Variants in CNTNAP1 observed in about 807,000 individuals in gnomAD.
The protein encoded by CNTNAP1 is contactin associated protein 1, also known as contactin-associated protein 1.
Under a neutral mutation model 161.5 loss-of-function variants are expected in CNTNAP1, and 80 were observed. That is an observed-to-expected ratio of 0.50 (90% CI 0.41 to 0.60). The LOEUF (loss-of-function observed/expected upper bound fraction) is 0.60, where lower values mean the gene tolerates loss of function less well. CNTNAP1 is among the 20% of genes least tolerant of loss of function. The probability of loss-of-function intolerance (pLI) is 0.00; values close to 1 mark genes in which losing one functional copy is unlikely to be tolerated. For synonymous variants in CNTNAP1, 695 were observed against 733.1 expected, an observed-to-expected ratio of 0.95 and a Z score of 0.84; for missense variants, 1,464 against 1,854.8, an observed-to-expected ratio of 0.79 and a Z score of 3.87.
Position 42,685,162 on chromosome 17 carries a change from G to A in CNTNAP1, c.511+24G>A. 1.2e-6 allele frequency: 2 copies of A among 1,608,150 alleles called. No individual in the cohort carries two copies. Among genetic ancestry groups the A allele is most frequent in the South Asian group, 1.1e-5 (1 of 90,786 alleles). On this transcript the variant is annotated intron_variant, in intron 4 of 23. Coordinates refer to ENST00000264638, the MANE Select transcript of CNTNAP1 (RefSeq NM_003632.3). This position sits in a 1 kb window ranked among gnomAD's most constrained non-coding sequence, Gnocchi z 5.0. ...CAGTAAGTGTGCAGAGAGCGCGGAG[G>A]GGGCCTGGGAGACAGCCTCCCCAGT...
chr17:42,688,444 T>G lies in CNTNAP1; in HGVS notation c.1307-18T>G. ...TTGCTGCTTCCCTCCACCCACACCA[T>G]CATCCATTCTTGTCCAGGGTACCGA... On this transcript the variant is annotated intron_variant, in intron 8 of 23. Coordinates refer to ENST00000264638, the MANE Select transcript of CNTNAP1 (RefSeq NM_003632.3). The G allele has an allele frequency of 6.2e-7, 1 of 1,614,170 alleles. No individual in the cohort carries two copies. Among genetic ancestry groups the G allele is most frequent in the Non-Finnish European group, 8.5e-7 (1 of 1,180,028 alleles).
At position 42,687,022 on chromosome 17, in the gene CNTNAP1, G is replaced by A; in HGVS notation, c.1020G>A (p.Arg340=). The A allele has an allele frequency of 6.2e-7, 1 of 1,613,552 alleles. No individual in the cohort carries two copies. The highest frequency in any genetic ancestry group is 2.2e-5 in the East Asian group (1 of 44,876). The change falls in exon 7 of 24, where the codon CGG becomes CGA. Residue 340 remains arginine, a synonymous_variant. Transcript: ENST00000264638. The surrounding 1 kb of genome is among the most constrained non-coding windows in gnomAD (Gnocchi z 4.7). Reference sequence around the variant, plus strand: ...TCAACATCGCAGACCTGGCCGTGCGGCGCCATTCCCGGATCACCTTCGAGG... The same window carrying A: ...TCAACATCGCAGACCTGGCCGTGCGACGCCATTCCCGGATCACCTTCGAGG... ...NRVNIADLAV[R]RHSRITFEGK...
chr17:42,683,885 C>T lies in CNTNAP1; in HGVS notation c.132C>T (p.Tyr44=), dbSNP rs1436550710. 1.1e-5 allele frequency: 18 copies of T among 1,613,500 alleles called. No homozygotes were observed. The highest frequency in any genetic ancestry group is 1.4e-5 in the Non-Finnish European group (17 of 1,179,996). Residue 44 remains tyrosine, a synonymous_variant, in exon 2 of 24, where the codon TAC becomes TAT. Transcript: ENST00000264638. ...GCTCCCTGGGCGCCTCCTCCTACTACAGTCTCCTTACTGCGCCGAGATTCG... is the reference window on the plus strand; with the variant it reads ...GCTCCCTGGGCGCCTCCTCCTACTATAGTCTCCTTACTGCGCCGAGATTCG... ...YARSLGASSY[Y]SLLTAPRFAR... is the part of the protein sequence containing the mutation.
chr17:42,684,953 G>C (rs948754436), intron 3 of CNTNAP1, 38 bp from the exon 4 acceptor site: 13 of 1,601,554 alleles, frequency 8.1e-6, no homozygotes, highest in Non-Finnish European at 1.1e-5. Flanking sequence ...AAGAAGCAGA[G>C]GGCAGGACGT....
chr17:42,683,815 C>A lies in CNTNAP1; in HGVS notation c.68-6C>A, dbSNP rs1401659687. ...CGCTGACTAACAGTCGGTTTCCCTA[C>A]CCTAGACGGCTGCGACGAGGAGCTG... On this transcript the variant is annotated splice_polypyrimidine_tract_variant and splice_region_variant and intron_variant, in intron 1 of 23. Transcript: ENST00000264638. 1.9e-6 allele frequency: 3 copies of A among 1,610,330 alleles called. No homozygotes were observed. The highest frequency in any genetic ancestry group is 2.2e-5 in the East Asian group (1 of 44,842).
intron 18 of CNTNAP1, among the ~76,000 whole-genome samples, chr17:42,694,413 C>A (rs949095732): frequency 6.6e-6 from 1 of 152,056 alleles, no homozygotes; most frequent in African/African-American, 2.4e-5. Context: ...CGCAGGTGAT[C>A]CACCCACCTT....
Position 42,684,131 on chromosome 17 carries a change from G to A in CNTNAP1, c.265G>A (p.Gly89Ser). ...KHRIRAVATQGSFNSWDWVTR... is the reference protein window; with the variant it reads ...KHRIRAVATQSSFNSWDWVTR... The stretch of plus-strand genomic sequence containing the variant: ...CCGGATCCGGGCCGTGGCCACACAG[G>A]GCTCCTTTAATTCTTGGGACTGGGT... The change falls in exon 3 of 24, where the codon GGC (glycine) becomes AGC (serine). Residue 89 changes from glycine (G) to serine (S), a missense_variant. Around this residue, in one of 3 missense-constraint regions of CNTNAP1, gnomAD observed 1,383 missense variants for 1,765.0 expected, o/e 0.78. Coordinates refer to ENST00000264638, the MANE Select transcript of CNTNAP1 (RefSeq NM_003632.3). 1 of 1,614,214 alleles carries A rather than the reference G, an allele frequency of 6.2e-7. No individual in the cohort carries two copies. The highest frequency in any genetic ancestry group is 8.5e-7 in the Non-Finnish European group (1 of 1,180,042).
chr17:42,698,446 TG>T (rs1291761574), intron 23 of CNTNAP1, among the ~76,000 whole-genome samples, 171 bp from the exon 24 acceptor site: 2 of 85,500 alleles, frequency 2.3e-5, no homozygotes, highest in African/African-American at 9.5e-5. Context: ...CAAAAGTAAA[TG>T]TGTGTGTGTG....
rs1448325109 is a variant in CNTNAP1 at position 42,683,103 on chromosome 17, G to A, written c.67+207G>A. ...GCGCCCGGGGCTGGGGCTGGGCTCT[G>A]GGAAGAGGATGAAGTCAGCGGGCAG... On this transcript the variant is annotated intron_variant, in intron 1 of 23. Transcript: ENST00000264638. The A allele has an allele frequency of 4.8e-6, 3 of 623,952 alleles. No individual in the cohort carries two copies. In the African/African-American group the frequency reaches 5.7e-5, roughly 12 times the overall value. The allele number at this position is 623,952 out of a possible 1,614,324, so 38.7% of individuals were successfully genotyped here.
In CNTNAP1 at chr17:42,696,062, C is replaced by T. The variant is rs1469440145; in HGVS notation, c.3384C>T (p.Pro1128=). Residue 1128 remains proline, a synonymous_variant, in exon 20 of 24, where the codon CCC becomes CCT. Transcript: ENST00000264638. ...LQLRYQLGTS[P]YVYQLTTRPV... ...TGCGATATCAGCTGGGCACCAGTCC[C>T]TACGTGTACCAGCTAACCACTCGAC... The T allele has an allele frequency of 1.9e-6, 3 of 1,614,146 alleles. No individual in the cohort carries two copies. The highest frequency in any genetic ancestry group is 4.5e-5 in the East Asian group (2 of 44,880).
In CNTNAP1 at chr17:42,689,734, C is replaced by T. The variant is rs1165437921; in HGVS notation, c.1735+107C>T. ...TGGCGAGGATGGCCCTTCCAGCCCT[C>T]TCGCTTTTTGTTTTTGGTTTTTTTG... On this transcript the variant is annotated intron_variant, in intron 11 of 23. Transcript: ENST00000264638. The T allele has an allele frequency of 1.5e-5, 14 of 931,294 alleles. No homozygotes were observed. In the Admixed American group the frequency reaches 2.9e-4, roughly 20 times the overall value. 57.7% of individuals were successfully genotyped at this position (931,294 alleles called of 1,614,324 possible). A position where few individuals can be genotyped will look rare whatever the true frequency, so the allele number is the denominator to read the frequency against.
chr17:42,683,084 G>A (rs2052958319), intron 1 of CNTNAP1, 188 bp downstream of exon 1: 9 of 633,038 alleles, frequency 1.4e-5, no homozygotes, highest in Admixed American at 6.1e-5. Context: ...GCGCGCGCCC[G>A]GGGCTGGGGC....
intron 1 of CNTNAP1, 186 bp from the exon 2 acceptor site, chr17:42,683,635 C>T: frequency 4.9e-6 from 7 of 1,429,916 alleles, no homozygotes; most frequent in Non-Finnish European, 6.4e-6. Context: ...AGAAGGTAGC[C>T]TCCTCTGAGC....
intron 1 of CNTNAP1, 70 bp downstream of exon 1, chr17:42,682,966 C>G: frequency 7.1e-7 from 1 of 1,416,370 alleles, no homozygotes; most frequent in Non-Finnish European, 9.5e-7. Flanking sequence ...GGCCCCGAAC[C>G]GCATTGCGGC....
chr17:42,686,476 T>TTTTTTTTTTTTTTTTTTG (rs2053013966), intron 6 of CNTNAP1, among the ~76,000 whole-genome samples: 3 of 116,950 alleles, frequency 2.6e-5, no homozygotes, highest in Non-Finnish European at 4.9e-5. Flanking sequence ...CCTGTTTTTT[T>TTTTTTTTTTTTTTTTTTG]TTTTTTTTTT....
At position 42,690,794 on chromosome 17, in the gene CNTNAP1, A is replaced by C; in HGVS notation, c.1911A>C (p.Thr637=). The change falls in exon 13 of 24, where the codon ACA becomes ACC. Residue 637 remains threonine, a synonymous_variant. Transcript: ENST00000264638. The part of the protein sequence containing the change: ...RHDRLWTTRV[T]GSSMERPFLG... Reference sequence around the variant, plus strand: ...ACAGGCTGTGGACAACTCGAGTGACAGGTTCCAGCATGGAGCGGCCATTCC... The same window carrying C: ...ACAGGCTGTGGACAACTCGAGTGACCGGTTCCAGCATGGAGCGGCCATTCC... 6.2e-7 allele frequency: 1 copy of C among 1,614,208 alleles called. No homozygotes were observed.
At position 42,690,932 on chromosome 17, in the gene CNTNAP1, C is replaced by T. The variant is rs150831991; in HGVS notation, c.2049C>T (p.Leu683=). The T allele has an allele frequency of 8.4e-5, 136 of 1,614,128 alleles. No homozygotes were observed. Among genetic ancestry groups the T allele is most frequent in the Admixed American group, 3.0e-4 (18 of 60,020 alleles). ...TCTCCTGCTACAATTCCCGGCTGCT[C>T]AACACTGCAGGTTAGGGCTGGGGTC... ...IEFSCYNSRL[L]NTAGGYPYSF... Residue 683 remains leucine (L), a synonymous_variant, in exon 13 of 24, where the codon CTC becomes CTT. Coordinates refer to ENST00000264638, the MANE Select transcript of CNTNAP1 (RefSeq NM_003632.3).
Position 42,685,332 on chromosome 17 carries a change from C to T in CNTNAP1, c.627C>T (p.Asp209=). 1 of 1,611,846 alleles carries T rather than the reference C, an allele frequency of 6.2e-7. No homozygotes were observed. Among genetic ancestry groups the T allele is most frequent in the Non-Finnish European group, 8.5e-7 (1 of 1,180,008 alleles). Residue 209 remains aspartate, a synonymous_variant, in exon 5 of 24, where the codon GAC becomes GAT. Transcript: ENST00000264638. The surrounding 1 kb of genome is among the most constrained non-coding windows in gnomAD (Gnocchi z 5.0). ...FAFSFKTEEK[D]GLLLHAEGAQ... ...TCAGCTTCAAGACCGAGGAGAAGGA[C>T]GGTCTTCTGCTGCACGCCGAGGGCG...
At chr17:42,698,483 A>T (rs2143682311) in intron 23 of CNTNAP1, 135 bp from the exon 24 acceptor site, 5 of 580,508 alleles carry the variant, frequency 8.6e-6, no homozygotes, top group East Asian at 3.2e-5. Flanking sequence ...GTGTGTGTGC[A>T]GGTGAAATCC....
Sources: gnomAD v4.1 joint callset for allele counts (sites outside exome capture counted in the v4.1 genomes callset) on GRCh38, gnomAD v4.1.1 for gene constraint, gnomAD v4.1.1 regional missense constraint, Gnocchi (gnomAD v3.1) non-coding constraint, MANE v1.5 for transcripts, NCBI Gene and HGNC (gene_info 2026-07-23, HGNC 2026-07-21) for gene names.